Variants in SKAP1 observed in about 807,000 individuals in gnomAD.
SKAP1 encodes src kinase associated phosphoprotein 1, also known as src kinase-associated phosphoprotein 1.
Under a neutral mutation model 58.5 loss-of-function variants are expected in SKAP1, and 44 were observed. That is an observed-to-expected ratio of 0.75 (90% CI 0.59 to 0.97). The LOEUF (loss-of-function observed/expected upper bound fraction) is 0.97. SKAP1 is among the 50% of genes least tolerant of loss of function. SKAP1 has a pLI of 0.00. For missense variants in SKAP1, 390 were observed against 435.2 expected, an observed-to-expected ratio of 0.90 and a Z score of 0.92; for synonymous variants, 127 against 149.7, an observed-to-expected ratio of 0.85 and a Z score of 1.11.
At chr17:48,410,534 T>C (rs2067649396) in intron 1 of SKAP1, among the ~76,000 whole-genome samples, 3 of 152,012 alleles carry the variant, frequency 2.0e-5, no homozygotes, top group African/African-American at 2.4e-5. Flanking sequence ...GAAGGAAATA[T>C]ATAAGATGAG....
chr17:48,216,348 A>G (rs544580484), intron 4 of SKAP1, among the ~76,000 whole-genome samples: 1 of 152,342 alleles, frequency 6.6e-6, no homozygotes, highest in African/African-American at 2.4e-5. Context: ...CTATCTTGAC[A>G]ACATCCCATT....
intron 4 of SKAP1, among the ~76,000 whole-genome samples, chr17:48,195,092 G>A (rs1208371287): frequency 6.6e-6 from 1 of 152,162 alleles, no homozygotes; most frequent in Admixed American, 6.6e-5. Flanking sequence ...AGGTTGGGGA[G>A]GGGGTAGTTT....
chr17:48,356,893 C>T (rs2066882344), intron 3 of SKAP1, among the ~76,000 whole-genome samples: 1 of 151,156 alleles, frequency 6.6e-6, no homozygotes, highest in Non-Finnish European at 1.5e-5. Context: ...GTGCTTGTGC[C>T]ACACACACAC....
chr17:48,358,622 T>G (rs1272106639), intron 3 of SKAP1, among the ~76,000 whole-genome samples: 1 of 152,188 alleles, frequency 6.6e-6, no homozygotes, highest in African/African-American at 2.4e-5. Flanking sequence ...CCTACACCAG[T>G]GTTCAGCTAT....
chr17:48,291,015 A>G (rs956274629), intron 4 of SKAP1, among the ~76,000 whole-genome samples: 1 of 152,066 alleles, frequency 6.6e-6, no homozygotes, highest in Non-Finnish European at 1.5e-5. Context: ...TGCGCCTGTA[A>G]TCCCAGCTAC....
chr17:48,326,811 C>A (rs1037057871), intron 4 of SKAP1, among the ~76,000 whole-genome samples: 1 of 151,932 alleles, frequency 6.6e-6, no homozygotes, highest in Admixed American at 6.6e-5. Context: ...ATAAAGCTCT[C>A]CAATCTAAAA....
intron 11 of SKAP1, among the ~76,000 whole-genome samples, chr17:48,160,386 C>T (rs1034677088): frequency 1.3e-5 from 2 of 152,132 alleles, no homozygotes; most frequent in Admixed American, 6.5e-5. Flanking sequence ...ATCCTCCTGC[C>T]TCAGCCTCCT....
intron 4 of SKAP1, among the ~76,000 whole-genome samples, chr17:48,283,246 C>G (rs1335810762): frequency 1.3e-5 from 2 of 152,076 alleles, no homozygotes; most frequent in Non-Finnish European, 1.5e-5. Context: ...GACTATGATA[C>G]AGAGCTGGAG....
chr17:48,354,095 G>T (rs1275708306), intron 3 of SKAP1, among the ~76,000 whole-genome samples: 1 of 152,046 alleles, frequency 6.6e-6, no homozygotes, highest in African/African-American at 2.4e-5. Context: ...AGATTAGCAG[G>T]CCTAAACATG....
intron 2 of SKAP1, among the ~76,000 whole-genome samples, chr17:48,369,459 C>G (rs940288080): frequency 2.7e-5 from 4 of 149,448 alleles, no homozygotes; most frequent in Non-Finnish European, 5.9e-5. Context: ...CCACTGCACT[C>G]CAGCCTGGGC....
At chr17:48,203,453 T>A (rs141751433) in intron 4 of SKAP1, among the ~76,000 whole-genome samples, 1 of 152,232 alleles carries the variant, frequency 6.6e-6, no homozygotes, top group Non-Finnish European at 1.5e-5. Context: ...CTAAAATGTA[T>A]TTCTGACAAA....
intron 1 of SKAP1, among the ~76,000 whole-genome samples, chr17:48,402,067 T>C (rs557544299): frequency 3.7e-4 from 56 of 152,218 alleles, no homozygotes; most frequent in African/African-American, 1.3e-3. Flanking sequence ...ATCAAAATCA[T>C]GAAATACCAC....
At chr17:48,396,066 G>C (rs2067414515) in intron 2 of SKAP1, among the ~76,000 whole-genome samples, 1 of 152,154 alleles carries the variant, frequency 6.6e-6, no homozygotes, top group African/African-American at 2.4e-5. Context: ...CAAGCAATAG[G>C]TGGTCAGAAA....
intron 4 of SKAP1, among the ~76,000 whole-genome samples, chr17:48,284,173 T>A (rs1012427248): frequency 6.6e-6 from 1 of 152,248 alleles, no homozygotes; most frequent in Non-Finnish European, 1.5e-5. Context: ...ACTCCATTTA[T>A]GGCAAACATT....
intron 2 of SKAP1, among the ~76,000 whole-genome samples, chr17:48,384,726 T>C (rs746103484): frequency 6.6e-6 from 1 of 152,186 alleles, no homozygotes; most frequent in African/African-American, 2.4e-5. Context: ...GATTCTGTTG[T>C]CAAGGAAGAA....
intron 4 of SKAP1, among the ~76,000 whole-genome samples, chr17:48,235,323 T>A (rs898148635): frequency 6.6e-6 from 1 of 152,154 alleles, no homozygotes; most frequent in Admixed American, 6.5e-5. Context: ...CCACAGAATG[T>A]GTGACCATGG....
intron 2 of SKAP1, among the ~76,000 whole-genome samples, chr17:48,381,010 T>C (rs1338081012): frequency 1.3e-5 from 2 of 152,206 alleles, no homozygotes; most frequent in Non-Finnish European, 2.9e-5. Context: ...TGTATACAAA[T>C]TATACCCAAT....
At chr17:48,291,338 T>A (rs1197741189) in intron 4 of SKAP1, among the ~76,000 whole-genome samples, 1 of 152,202 alleles carries the variant, frequency 6.6e-6, no homozygotes, top group Non-Finnish European at 1.5e-5. Flanking sequence ...ACTCTCTCTG[T>A]TCTCTTTCTT....
intron 3 of SKAP1, among the ~76,000 whole-genome samples, chr17:48,358,419 G>T (rs1308230263): frequency 1.3e-5 from 2 of 151,946 alleles, no homozygotes; most frequent in African/African-American, 4.8e-5. Flanking sequence ...TCTTGTAGTT[G>T]TCATAACTAC....
Sources: allele counts gnomAD v4.1 joint callset (sites outside exome capture counted in the v4.1 genomes callset), GRCh38; gene constraint gnomAD v4.1.1; transcripts MANE v1.5; gene names NCBI Gene and HGNC (gene_info 2026-07-23, HGNC 2026-07-21).